LSAMP: variants seen among roughly 807,000 people sequenced by gnomAD.
The protein encoded by LSAMP is limbic system associated membrane protein.
A neutral mutation model predicts 38.6 loss-of-function variants in LSAMP; 7 were observed. That is an observed-to-expected ratio of 0.18 (90% CI 0.10 to 0.34). LSAMP has a LOEUF of 0.34. Among genes scored for constraint, LSAMP ranks in the 10% least tolerant of loss-of-function variants. The pLI is 1.00. For missense variants in LSAMP, 313 were observed against 420.0 expected, an observed-to-expected ratio of 0.75 and a Z score of 2.23; for synonymous variants, 154 against 166.8, an observed-to-expected ratio of 0.92 and a Z score of 0.59.
intron 1 of LSAMP, among the ~76,000 whole-genome samples, chr3:116,260,074 C>A (rs533644027): frequency 6.6e-6 from 1 of 152,210 alleles, no homozygotes; most frequent in South Asian, 2.1e-4. Context: ...TTGGTATTTG[C>A]CTCACATATA....
At chr3:116,260,654 G>A (rs971296667) in intron 1 of LSAMP, among the ~76,000 whole-genome samples, 12 of 152,090 alleles carry the variant, frequency 7.9e-5, no homozygotes, top group African/African-American at 2.4e-4. Flanking sequence ...TTGAGGGAGA[G>A]CTAGGATAGG....
chr3:115,897,875 C>A (rs575355256), intron 3 of LSAMP, among the ~76,000 whole-genome samples: 4 of 152,180 alleles, frequency 2.6e-5, no homozygotes, highest in African/African-American at 9.6e-5. Flanking sequence ...ATTGGGAGGG[C>A]AAATTTGGTA....
chr3:116,302,900 A>AAGTT (rs776254418), intron 1 of LSAMP, among the ~76,000 whole-genome samples: 1 of 152,186 alleles, frequency 6.6e-6, no homozygotes, highest in Non-Finnish European at 1.5e-5. Flanking sequence ...ACTAGCCTGT[A>AAGTT]AGTTAGTCAT....
intron 2 of LSAMP, among the ~76,000 whole-genome samples, chr3:116,051,646 C>T (rs928092990): frequency 2.6e-5 from 4 of 152,140 alleles, no homozygotes; most frequent in Non-Finnish European, 5.9e-5. Flanking sequence ...AGAATCCAGA[C>T]CCCTCTTTAC....
At chr3:115,955,070 G>A (rs1295575299) in intron 3 of LSAMP, among the ~76,000 whole-genome samples, 1 of 151,340 alleles carries the variant, frequency 6.6e-6, no homozygotes, top group Non-Finnish European at 1.5e-5. Context: ...TTCTCCTGCC[G>A]CAGCCTCCCG....
At chr3:115,980,907 T>C (rs1002912734) in intron 3 of LSAMP, among the ~76,000 whole-genome samples, 1 of 152,166 alleles carries the variant, frequency 6.6e-6, no homozygotes, top group Non-Finnish European at 1.5e-5. Context: ...TCGCTATGTT[T>C]TTTTAACTTA....
chr3:116,197,920 T>A (rs1348845941), intron 1 of LSAMP, among the ~76,000 whole-genome samples: 3 of 151,798 alleles, frequency 2.0e-5, no homozygotes, highest in African/African-American at 7.3e-5. Flanking sequence ...TATATGACAT[T>A]TAAGCTGGAA....
intron 3 of LSAMP, among the ~76,000 whole-genome samples, chr3:115,979,512 T>C (rs1023994204): frequency 2.0e-5 from 3 of 152,162 alleles, no homozygotes; most frequent in African/African-American, 7.2e-5. Context: ...TGAGAAAGCA[T>C]GGCTTTGAAG....
intron 3 of LSAMP, among the ~76,000 whole-genome samples, chr3:115,941,256 A>T (rs1382957352): frequency 6.6e-6 from 1 of 152,270 alleles, no homozygotes; most frequent in East Asian, 1.9e-4. Context: ...ACACCTATGA[A>T]GATGGGTATC....
At chr3:116,272,118 T>C (rs1326894113) in intron 1 of LSAMP, among the ~76,000 whole-genome samples, 1 of 151,780 alleles carries the variant, frequency 6.6e-6, no homozygotes, top group Non-Finnish European at 1.5e-5. Context: ...ACAGCATATG[T>C]CTCACTAAAT....
intron 1 of LSAMP, among the ~76,000 whole-genome samples, chr3:116,283,166 G>GAAAA (rs2047148859): frequency 6.7e-6 from 1 of 148,308 alleles, no homozygotes; most frequent in South Asian, 2.1e-4. Flanking sequence ...AAATGATTTA[G>GAAAA]AAAAGTAAAG....
intron 2 of LSAMP, among the ~76,000 whole-genome samples, chr3:116,020,529 C>T (rs1282929320): frequency 6.6e-6 from 1 of 152,140 alleles, no homozygotes; most frequent in Non-Finnish European, 1.5e-5. Flanking sequence ...TGCTCATAAG[C>T]ACTACTTGAA....
At chr3:116,230,093 T>C (rs1331959907) in intron 1 of LSAMP, among the ~76,000 whole-genome samples, 2 of 152,210 alleles carry the variant, frequency 1.3e-5, no homozygotes, top group Non-Finnish European at 2.9e-5. Context: ...ACTTGTTTTA[T>C]GAGCTGTCTC....
intron 3 of LSAMP, among the ~76,000 whole-genome samples, chr3:115,874,118 T>C (rs1217265076): frequency 1.3e-5 from 2 of 152,198 alleles, no homozygotes; most frequent in East Asian, 3.8e-4. Context: ...TGCCTCTGAA[T>C]ATTGCAAAAC....
At chr3:115,967,425 A>C (rs540315890) in intron 3 of LSAMP, among the ~76,000 whole-genome samples, 1 of 152,292 alleles carries the variant, frequency 6.6e-6, no homozygotes, top group East Asian at 1.9e-4. Context: ...AAGTCTCTAG[A>C]GAGTTCCAAA....
intron 1 of LSAMP, among the ~76,000 whole-genome samples, chr3:116,354,220 A>G (rs1454325772): frequency 6.6e-6 from 1 of 152,164 alleles, no homozygotes. Context: ...TGTTCCAGCC[A>G]TATACCCTCG....
chr3:115,967,014 G>T (rs1938838284), intron 3 of LSAMP, among the ~76,000 whole-genome samples: 1 of 152,140 alleles, frequency 6.6e-6, no homozygotes, highest in African/African-American at 2.4e-5. Flanking sequence ...TCTTAATCTA[G>T]GTGCTCCTCA....
At chr3:116,410,447 C>A (rs2048957296) in intron 1 of LSAMP, among the ~76,000 whole-genome samples, 1 of 151,928 alleles carries the variant, frequency 6.6e-6, no homozygotes, top group Admixed American at 6.6e-5. Context: ...CCTCTAAAAG[C>A]AACTGCTAGT....
intron 3 of LSAMP, among the ~76,000 whole-genome samples, chr3:115,933,752 A>G (rs2107545406): frequency 6.6e-6 from 1 of 152,312 alleles, no homozygotes. Flanking sequence ...AGGAAACAGT[A>G]GAACCTTAGT....
Sources: gnomAD v4.1 joint callset for allele counts (sites outside exome capture counted in the v4.1 genomes callset) on GRCh38, gnomAD v4.1.1 for gene constraint, MANE v1.5 for transcripts, NCBI Gene and HGNC (gene_info 2026-07-23, HGNC 2026-07-21) for gene names.